SCAMP1: variants seen among roughly 807,000 people sequenced by gnomAD.
SCAMP1 encodes secretory carrier membrane protein 1, also known as secretory carrier-associated membrane protein 1.
Under a neutral mutation model 41.8 loss-of-function variants are expected in SCAMP1, and 15 were observed. The observed-to-expected ratio is 0.36, with a 90% CI of 0.24 to 0.55. The LOEUF is 0.55. Ranked by LOEUF, SCAMP1 falls within the 20% of genes least tolerant of loss-of-function variation. The pLI, the probability that SCAMP1 is intolerant of heterozygous loss-of-function variation, is 0.86. For synonymous variants in SCAMP1, 135 were observed against 136.8 expected (o/e 0.99, Z 0.09); for missense variants, 341 against 412.6 (o/e 0.83, Z 1.50).
chr5:78,453,098 C>G lies in SCAMP1; in HGVS notation c.734+3064C>G, dbSNP rs1173055988. Among the ~76,000 whole-genome samples, 6 of 146,004 alleles carry G rather than the reference C, an allele frequency of 4.1e-5. 1 individual carries two copies. Among genetic ancestry groups the G allele is most frequent in the African/African-American group, 1.7e-4 (6 of 36,178 alleles). On this transcript the variant is annotated intron_variant, in intron 7 of 8. Transcript: ENST00000621999. ...TTCTGGATATTAGCCCTTTGTCAGA[C>G]GAGTAGGTTGCGAAAATTTTCTCCC...
intron 7 of SCAMP1, among the ~76,000 whole-genome samples, chr5:78,450,614 T>A: frequency 6.6e-6 from 1 of 152,192 alleles, no homozygotes; most frequent in Non-Finnish European, 1.5e-5. Context: ...AGGTCTCTCT[T>A]TACATTCTGA....
chr5:78,411,107 AG>A (rs918333013), intron 2 of SCAMP1, among the ~76,000 whole-genome samples: 1 of 152,054 alleles, frequency 6.6e-6, no homozygotes, highest in African/African-American at 2.4e-5. Context: ...CTCTGCTGAT[AG>A]TTTGTTTTGC....
At chr5:78,399,657 G>T (rs1751750797) in intron 2 of SCAMP1, among the ~76,000 whole-genome samples, 1 of 152,124 alleles carries the variant, frequency 6.6e-6, no homozygotes, top group African/African-American at 2.4e-5. Flanking sequence ...TTCTTAATTG[G>T]TTTGTTATTG....
At chr5:78,463,708 C>T (rs1408459021) in intron 8 of SCAMP1, among the ~76,000 whole-genome samples, 10 of 152,060 alleles carry the variant, frequency 6.6e-5, no homozygotes, top group African/African-American at 2.4e-4. Flanking sequence ...TTACAGCTTG[C>T]CTGTGGCTTA....
rs1476610095 is a variant in SCAMP1, at chr5:78,434,032, CT to C, written c.632+12076del. Among the ~76,000 whole-genome samples the C allele has an allele frequency of 5.3e-5, 8 of 152,232 alleles. No individual in the cohort carries two copies. The South Asian group carries it at 1.7e-3, about 32-fold the overall frequency. On this transcript the variant is annotated intron_variant, in intron 6 of 8. Transcript: ENST00000621999. ...ATCCCATTTTACCTCCCACATAAAG[CT>C]TTTGTTTGGAAGAGTTAAAGGGGAG...
At chr5:78,368,804 G>A (rs1750863065) in intron 1 of SCAMP1, among the ~76,000 whole-genome samples, 1 of 152,086 alleles carries the variant, frequency 6.6e-6, no homozygotes, top group Admixed American at 6.5e-5. Flanking sequence ...TACTTAAAGT[G>A]TTCTTAGGTA....
At chr5:78,392,218 T>C (rs1751537073) in intron 2 of SCAMP1, among the ~76,000 whole-genome samples, 1 of 152,254 alleles carries the variant, frequency 6.6e-6, no homozygotes, top group African/African-American at 2.4e-5. Context: ...TCAAGCTGTC[T>C]ACTTTGTGCC....
At chr5:78,471,627 TCTTTA>T (rs1219038444) in intron 8 of SCAMP1, among the ~76,000 whole-genome samples, 1 of 152,144 alleles carries the variant, frequency 6.6e-6, no homozygotes, top group Non-Finnish European at 1.5e-5. Flanking sequence ...GTGCCATTAT[TCTTTA>T]CTTCCCACAC....
At chr5:78,459,960 G>T (rs562714682) in intron 8 of SCAMP1, among the ~76,000 whole-genome samples, 1 of 152,044 alleles carries the variant, frequency 6.6e-6, no homozygotes, top group Non-Finnish European at 1.5e-5. Context: ...CTTTATGTCT[G>T]TGTGAACCCT....
intron 7 of SCAMP1, among the ~76,000 whole-genome samples, chr5:78,456,395 C>G (rs1288361350): frequency 6.6e-6 from 1 of 152,058 alleles, no homozygotes; most frequent in Admixed American, 6.6e-5. Context: ...GACAAAATCT[C>G]TCAGCATTTG....
chr5:78,428,360 C>A (rs1752517866), intron 6 of SCAMP1, among the ~76,000 whole-genome samples: 1 of 152,042 alleles, frequency 6.6e-6, no homozygotes, highest in African/African-American at 2.4e-5. Flanking sequence ...ATCACTTGTC[C>A]ATATATGGAG....
intron 1 of SCAMP1, among the ~76,000 whole-genome samples, chr5:78,380,045 T>C (rs1361345752): frequency 6.6e-6 from 1 of 152,198 alleles, no homozygotes. Context: ...TTTATCTGCC[T>C]TTTGCACCAA....
chr5:78,425,248 G>A (rs1445433533), intron 6 of SCAMP1, among the ~76,000 whole-genome samples: 2 of 152,046 alleles, frequency 1.3e-5, no homozygotes, highest in African/African-American at 4.8e-5. Context: ...TGTATTTAAT[G>A]CATACCAAAG....
At chr5:78,439,538 T>C (rs1460313848) in intron 6 of SCAMP1, among the ~76,000 whole-genome samples, 4 of 152,220 alleles carry the variant, frequency 2.6e-5, no homozygotes, top group Admixed American at 2.6e-4. Context: ...TATTGAATAT[T>C]GGCCCCTACT....
chr5:78,369,787 CTT>C (rs1750898836), intron 1 of SCAMP1, among the ~76,000 whole-genome samples: 1 of 152,206 alleles, frequency 6.6e-6, no homozygotes, highest in Non-Finnish European at 1.5e-5. Flanking sequence ...AGAGAGGATG[CTT>C]TATGTTCAGA....
chr5:78,416,972 T>C (rs532063861), intron 4 of SCAMP1, among the ~76,000 whole-genome samples: 4 of 152,362 alleles, frequency 2.6e-5, no homozygotes, highest in South Asian at 4.1e-4. Context: ...GTGGACTCTT[T>C]ATGAGTACAT....
intron 7 of SCAMP1, among the ~76,000 whole-genome samples, chr5:78,456,786 A>G (rs1351722993): frequency 7.6e-6 from 1 of 131,520 alleles, no homozygotes; most frequent in Admixed American, 7.4e-5. Flanking sequence ...GTGTTTTCCA[A>G]CTTGGTTCCA....
chr5:78,361,975 C>G (rs1340039395), intron 1 of SCAMP1, among the ~76,000 whole-genome samples: 1 of 152,206 alleles, frequency 6.6e-6, no homozygotes, highest in African/African-American at 2.4e-5. Context: ...ACTCGACTCA[C>G]TTTGTAGCAG....
rs1208182621 is a variant in SCAMP1 at position 78,478,009 on chromosome 5, TATTAA to T, written c.*2346_*2350del. Reference sequence around the variant, plus strand: ...ATCCGTGTCATTTATCATTTTGTAATATTAAATTATGGCAATTTTATTTCAAACTA... The same window carrying T: ...ATCCGTGTCATTTATCATTTTGTAATATTATGGCAATTTTATTTCAAACTA... On this transcript the variant is annotated 3_prime_UTR_variant, in exon 9 of 9. Transcript: ENST00000621999. 3.3e-5 allele frequency: 5 copies of T among 152,576 alleles called. No homozygotes were observed. In the South Asian group the frequency reaches 8.3e-4, roughly 25 times the overall value. 9.5% of individuals were successfully genotyped at this position (152,576 alleles called of 1,614,324 possible).
Sources: allele counts gnomAD v4.1 joint callset (sites outside exome capture counted in the v4.1 genomes callset), GRCh38; gene constraint gnomAD v4.1.1; transcripts MANE v1.5; gene names NCBI Gene and HGNC (gene_info 2026-07-23, HGNC 2026-07-21).